Variants in DGKA observed in about 807,000 individuals in gnomAD.
DGKA encodes the protein diacylglycerol kinase alpha, also known as 80 kDa diacylglycerol kinase.
In DGKA, 35 loss-of-function variants were observed where a neutral mutation model predicts 105.0. The ratio of observed to expected loss-of-function variants is 0.33; its 90% confidence interval spans 0.25 to 0.44. The LOEUF (loss-of-function observed/expected upper bound fraction) is 0.44, where lower values mean the gene tolerates loss of function less well. Ranked by LOEUF, DGKA falls within the 20% of genes least tolerant of loss-of-function variation. The pLI is 1.00. For synonymous variants in DGKA, 296 were observed against 332.0 expected, an observed-to-expected ratio of 0.89 and a Z score of 1.18; for missense variants, 665 against 915.0, an observed-to-expected ratio of 0.73 and a Z score of 3.53.
chr12:55,936,122 G>A, intron 1 of DGKA: 1 of 814,032 alleles, frequency 1.2e-6, no homozygotes, highest in Non-Finnish European at 1.5e-6. Flanking sequence ...AGAAAGCCGG[G>A]TGCGGGTGGG....
chr12:55,930,357 GTTTTTTTTTTTTTTT>G (rs1156510868), upstream of DGKA: 5 of 71,790 alleles, frequency 7.0e-5, no homozygotes, highest in Admixed American at 6.8e-4. Context: ...CAAGGGCCTT[GTTTTTTTTTTTTTTT>G]TTTTTTTTTT....
chr12:55,936,788 G>A (rs7297871), intron 2 of DGKA: 662,503 of 840,486 alleles, frequency 0.79, 263,458 homozygotes, highest in Middle Eastern at 0.87. Context: ...GCAAGGTCTC[G>A]GCTCTCTACC....
upstream of DGKA, chr12:55,927,577 G>C (rs1364036122): frequency 1.9e-6 from 2 of 1,037,124 alleles, no homozygotes; most frequent in Non-Finnish European, 2.8e-6. Context: ...GGGCGCACAA[G>C]TGTTTCTAGG....
chr12:55,946,468 G>A (rs534882845), intron 17 of DGKA, among the ~76,000 whole-genome samples: 480 of 151,748 alleles, frequency 3.2e-3, no homozygotes, highest in Non-Finnish European at 5.7e-3. Context: ...GTGATTCTCC[G>A]GCCTCAGCCT....
upstream of DGKA, chr12:55,927,913 CTAGGGTCAGAGG>C (rs1282726453): frequency 3.9e-6 from 4 of 1,013,478 alleles, no homozygotes; most frequent in African/African-American, 6.6e-5. Flanking sequence ...GGGCTGGGCC[CTAGGGTCAGAGG>C]GCAGGGTGAA....
chr12:55,940,983 A>C lies in DGKA; in HGVS notation c.1101+3A>C. On this transcript the variant is annotated splice_donor_region_variant and intron_variant, in intron 13 of 23. Transcript: ENST00000331886. This position sits in a 1 kb window ranked among gnomAD's most constrained non-coding sequence, Gnocchi z 4.3. Reference sequence around the variant, plus strand: ...TGAGCACCTCTGAGGCTCTGCGGGTACAGGGCTGAGAGTCTTGGGCTTCAT... The same window carrying C: ...TGAGCACCTCTGAGGCTCTGCGGGTCCAGGGCTGAGAGTCTTGGGCTTCAT... The C allele has an allele frequency of 6.2e-7, 1 of 1,613,600 alleles. No homozygotes were observed. Among genetic ancestry groups the C allele is most frequent in the Non-Finnish European group, 8.5e-7 (1 of 1,179,758 alleles).
upstream of DGKA, chr12:55,927,860 T>A: frequency 6.9e-7 from 1 of 1,444,156 alleles, no homozygotes; most frequent in Non-Finnish European, 9.3e-7. Context: ...ATGAGGGCCC[T>A]AGTTGCTTCT....
intron 18 of DGKA, 58 bp from the exon 19 acceptor site, chr12:55,951,977 G>T: frequency 1.3e-6 from 2 of 1,599,492 alleles, no homozygotes; most frequent in Non-Finnish European, 1.7e-6. Flanking sequence ...GGGAAAGAGG[G>T]GAGACCGGGA....
chr12:55,935,073 C>CAACT (rs1232881276), intron 1 of DGKA, among the ~76,000 whole-genome samples: 1 of 152,212 alleles, frequency 6.6e-6, no homozygotes. Context: ...TTCCATCTAT[C>CAACT]AACTGCCTTA....
upstream of DGKA, chr12:55,927,845 A>C: frequency 6.7e-7 from 1 of 1,495,110 alleles, no homozygotes; most frequent in Non-Finnish European, 8.9e-7. Flanking sequence ...TTCGGCGGCG[A>C]AGTGATGAGG....
At chr12:55,933,717 G>T (rs1378620038) in intron 1 of DGKA, 2 of 152,156 alleles carry the variant, frequency 1.3e-5, no homozygotes, top group Non-Finnish European at 2.9e-5. Context: ...GATACTACAT[G>T]TTTGCACCTG....
Position 55,939,291 on chromosome 12 carries a change from C to G in DGKA, c.580C>G (p.Leu194Val), listed in dbSNP as rs1885409069. Residue 194 changes from leucine to valine, a missense_variant, in exon 8 of 24, where the codon CTG becomes GTG. Leu to Val is a conservative substitution (Grantham distance 32). Coordinates refer to ENST00000331886, the MANE Select transcript of DGKA (RefSeq NM_001345.5). The part of the protein sequence containing the change: ...GATTVPLLVL[L>V]GLEMTLKDDG... ...CACCACCGTGCCACTGCTAGTGCTGCTGGGTCTGGAGATGGTGAGTAGGAG... is the reference window on the plus strand; with the variant it reads ...CACCACCGTGCCACTGCTAGTGCTGGTGGGTCTGGAGATGGTGAGTAGGAG... 1 of 1,613,868 alleles carries G rather than the reference C, an allele frequency of 6.2e-7. No individual in the cohort carries two copies.
At chr12:55,933,553 G>T (rs1197638655) in intron 1 of DGKA, 1 of 152,166 alleles carries the variant, frequency 6.6e-6, no homozygotes, top group Non-Finnish European at 1.5e-5. Context: ...CAGCTCCAGG[G>T]ATAGCTAAAC....
In DGKA at chr12:55,940,617, C is replaced by G; in HGVS notation, c.919-7C>G. Reference sequence around the variant, plus strand: ...CGTGATCTCTCTGTGCCCACCTCGTCTTTCAGATCCACGATGACTGCCTGC... The same window carrying G: ...CGTGATCTCTCTGTGCCCACCTCGTGTTTCAGATCCACGATGACTGCCTGC... On this transcript the variant is annotated splice_polypyrimidine_tract_variant and splice_region_variant and intron_variant, in intron 11 of 23. Transcript: ENST00000331886. The surrounding 1 kb of genome is among the most constrained non-coding windows in gnomAD (Gnocchi z 4.3). The G allele has an allele frequency of 6.4e-7, 1 of 1,572,842 alleles. No homozygotes were observed. The highest frequency in any genetic ancestry group is 2.2e-5 in the East Asian group (1 of 44,548).
At chr12:55,927,895 GCCT>G, upstream of DGKA, 6 of 1,176,182 alleles carry the variant, frequency 5.1e-6, no homozygotes, top group Non-Finnish European at 7.0e-6. Flanking sequence ...AACCCTGAGT[GCCT>G]CCTCGGGCTG....
At chr12:55,945,003 C>A (rs1482171278) in intron 17 of DGKA, among the ~76,000 whole-genome samples, 2 of 152,050 alleles carry the variant, frequency 1.3e-5, no homozygotes, top group Non-Finnish European at 2.9e-5. Context: ...TTTCACCATG[C>A]TGGCCAGGCT....
Position 55,932,457 on chromosome 12 carries a change from G to T in DGKA, c.-82+1113G>T, listed in dbSNP as rs972343313. 1 of 691,572 alleles carries T rather than the reference G, an allele frequency of 1.4e-6. No homozygotes were observed. Among genetic ancestry groups the T allele is most frequent in the Non-Finnish European group, 2.6e-6 (1 of 378,424 alleles). 42.8% of individuals were successfully genotyped at this position (691,572 alleles called of 1,614,324 possible). A position where few individuals can be genotyped will look rare whatever the true frequency, so the allele number is the denominator to read the frequency against. The stretch of plus-strand genomic sequence containing the variant: ...GCCGCACGGGTGGAGAAGGGTTCTT[G>T]TTTGGCCTCCAGGTCCCCAACTTCC... On this transcript the variant is annotated intron_variant, in intron 1 of 23. Transcript: ENST00000331886. This position sits in a 1 kb window ranked among gnomAD's most constrained non-coding sequence, Gnocchi z 4.3.
chr12:55,943,003 A>C (rs1592709681), intron 17 of DGKA, among the ~76,000 whole-genome samples: 1 of 152,136 alleles, frequency 6.6e-6, no homozygotes, highest in East Asian at 1.9e-4. Context: ...TGATTGGGAC[A>C]TAGGGTGAAA....
intron 14 of DGKA, 55 bp downstream of exon 14, chr12:55,941,380 A>T: frequency 1.9e-6 from 3 of 1,593,450 alleles, no homozygotes; most frequent in Non-Finnish European, 2.6e-6. Context: ...TGCCTGCAAC[A>T]CTTAGAAGGT....
Sources: gnomAD v4.1 joint callset for allele counts (sites outside exome capture counted in the v4.1 genomes callset) on GRCh38, gnomAD v4.1.1 for gene constraint, Gnocchi (gnomAD v3.1) non-coding constraint, MANE v1.5 for transcripts, NCBI Gene and HGNC (gene_info 2026-07-23, HGNC 2026-07-21) for gene names.